Variants in VWF observed in about 807,000 individuals in gnomAD.
VWF encodes the protein Factor VIII related antigen.
VWF carries 176 observed loss-of-function variants against 308.6 expected under a neutral mutation model. That is an observed-to-expected ratio of 0.57 (90% CI 0.50 to 0.65). The LOEUF (loss-of-function observed/expected upper bound fraction) is 0.65. Among genes scored for constraint, VWF ranks in the 30% least tolerant of loss-of-function variants. The pLI is 0.00. For missense variants in VWF, 3,146 were observed against 3,648.2 expected (o/e 0.86, Z 3.55); for synonymous variants, 1,385 against 1,443.4 (o/e 0.96, Z 0.92).
chr12:6,074,957 G>A (rs578067042), intron 7 of VWF, among the ~76,000 whole-genome samples: 7 of 152,224 alleles, frequency 4.6e-5, no homozygotes, highest in East Asian at 3.9e-4. Context: ...CCAGGTCAGC[G>A]TCCTGCTCCT....
Position 5,969,395 on chromosome 12 carries a change from C to G in VWF, c.7549-4G>C. 1 of 1,614,174 alleles carries G rather than the reference C, an allele frequency of 6.2e-7. No individual in the cohort carries two copies. The highest frequency in any genetic ancestry group is 8.5e-7 in the Non-Finnish European group (1 of 1,180,018). ...GGGAGGCCCACTGGGAGCCGACCTGCAGGGCACCAGAGTTAGTCCAACAAG... is the reference window on the plus strand; with the variant it reads ...GGGAGGCCCACTGGGAGCCGACCTGGAGGGCACCAGAGTTAGTCCAACAAG... On this transcript the variant is annotated splice_region_variant and splice_polypyrimidine_tract_variant and intron_variant, in intron 44 of 51. Coordinates refer to ENST00000261405, the MANE Select transcript of VWF (RefSeq NM_000552.5).
At chr12:5,990,369 C>T (rs1386160270) in intron 38 of VWF, among the ~76,000 whole-genome samples, 3 of 152,180 alleles carry the variant, frequency 2.0e-5, no homozygotes, top group Non-Finnish European at 4.4e-5. Context: ...GATTATGACC[C>T]TATAGAGCTT....
intron 6 of VWF, among the ~76,000 whole-genome samples, chr12:6,081,884 A>C (rs1944914867): frequency 6.6e-6 from 1 of 152,172 alleles, no homozygotes; most frequent in Admixed American, 6.5e-5. Context: ...GACAGCAAGG[A>C]GATTTGCAAA....
chr12:5,962,747 C>T (rs2136348282), intron 47 of VWF, among the ~76,000 whole-genome samples: 1 of 152,186 alleles, frequency 6.6e-6, no homozygotes, highest in East Asian at 1.9e-4. Flanking sequence ...GAAGGGGTTT[C>T]ACCATGTTAG....
At chr12:6,004,470 C>CGT (rs921738216) in intron 34 of VWF, among the ~76,000 whole-genome samples, 16 of 151,308 alleles carry the variant, frequency 1.1e-4, no homozygotes, top group African/African-American at 3.6e-4. Flanking sequence ...TGTGTGTGTG[C>CGT]GTGTGTGTGT....
intron 6 of VWF, among the ~76,000 whole-genome samples, chr12:6,076,895 G>A (rs917450300): frequency 2.6e-5 from 4 of 152,186 alleles, no homozygotes; most frequent in Admixed American, 6.5e-5. Flanking sequence ...TCTGCTCACC[G>A]TTCTCGAAAT....
At chr12:6,053,832 T>C (rs998522104) in intron 15 of VWF, among the ~76,000 whole-genome samples, 1 of 152,260 alleles carries the variant, frequency 6.6e-6, no homozygotes, top group Non-Finnish European at 1.5e-5. Context: ...ATTATTCTTA[T>C]TGCTAAGGAA....
chr12:5,981,927 G>A lies in VWF; in HGVS notation c.7146C>T (p.Thr2382=). The A allele has an allele frequency of 1.2e-6, 2 of 1,613,848 alleles. No homozygotes were observed. The highest frequency in any genetic ancestry group is 1.7e-5 in the Admixed American group (1 of 59,996). ...PPSCPPHRLP[T]LRKTQCCDEY... Reference sequence around the variant, plus strand: ...CATCACAGCACTGGGTCTTCCGAAGGGTGGGCAAACGGTGCGGGGGGCAGG... The same window carrying A: ...CATCACAGCACTGGGTCTTCCGAAGAGTGGGCAAACGGTGCGGGGGGCAGG... Residue 2382 remains threonine, a synonymous_variant, in exon 42 of 52, where the codon ACC becomes ACT. Coordinates refer to ENST00000261405, the MANE Select transcript of VWF (RefSeq NM_000552.5).
At chr12:6,031,671 T>G in intron 20 of VWF, 93 bp from the exon 21 acceptor site, 1 of 1,593,546 alleles carries the variant, frequency 6.3e-7, no homozygotes, top group South Asian at 1.1e-5. Context: ...GGCCTTTGAG[T>G]ACGTGTCACA....
intron 6 of VWF, among the ~76,000 whole-genome samples, chr12:6,094,373 A>G (rs1429955784): frequency 6.6e-6 from 1 of 152,220 alleles, no homozygotes; most frequent in Admixed American, 6.5e-5. Context: ...CTGAGCTGGT[A>G]TAAGAGGAGG....
intron 40 of VWF, among the ~76,000 whole-genome samples, chr12:5,983,814 T>TAGAC (rs1163923977): frequency 1.3e-5 from 2 of 151,674 alleles, no homozygotes; most frequent in Middle Eastern, 3.2e-3. Context: ...GATAGATAGA[T>TAGAC]AGATGATAGA....
chr12:6,015,690 A>G (rs779502704), intron 31 of VWF, among the ~76,000 whole-genome samples: 7 of 152,268 alleles, frequency 4.6e-5, no homozygotes, highest in Non-Finnish European at 8.8e-5. Flanking sequence ...GTACCAGGAA[A>G]GGACTCTAAA....
At chr12:6,118,953 A>G (rs1271708276) in intron 3 of VWF, among the ~76,000 whole-genome samples, 1 of 152,194 alleles carries the variant, frequency 6.6e-6, no homozygotes, top group Non-Finnish European at 1.5e-5. Flanking sequence ...AGTGTTGAGG[A>G]TGACTTTCTT....
intron 51 of VWF, 118 bp downstream of exon 51, chr12:5,949,668 A>C: frequency 9.1e-7 from 1 of 1,094,640 alleles, no homozygotes; most frequent in Non-Finnish European, 1.4e-6. Flanking sequence ...CTTCCAGTTT[A>C]TTTCCCTTCT....
At chr12:6,086,513 C>G (rs2136487282) in intron 6 of VWF, among the ~76,000 whole-genome samples, 1 of 152,288 alleles carries the variant, frequency 6.6e-6, no homozygotes, top group East Asian at 1.9e-4. Context: ...CAACTGTACT[C>G]TATGAATCAC....
intron 45 of VWF, among the ~76,000 whole-genome samples, chr12:5,968,994 C>T (rs1337174224): frequency 2.6e-5 from 4 of 152,108 alleles, no homozygotes; most frequent in African/African-American, 7.2e-5. Context: ...AGCCTAGGGC[C>T]GAATCCCAGT....
intron 47 of VWF, among the ~76,000 whole-genome samples, chr12:5,964,266 A>ACATACATACATACATACATG (rs1943368593): frequency 1.4e-5 from 2 of 142,724 alleles, no homozygotes; most frequent in East Asian, 3.9e-4. Flanking sequence ...ATACATACAT[A>ACATACATACATACATACATG]CATACATGCA....
rs202210763 is a variant in VWF, at chr12:5,964,250, GCATACATACATACATACATA to G, written c.7887+3216_7887+3235del. The stretch of plus-strand genomic sequence containing the variant: ...TACATACATACATACATACATACAT[GCATACATACATACATACATA>G]CATGCATACATACATGCATACATAC... On this transcript the variant is annotated intron_variant, in intron 47 of 51. Coordinates refer to ENST00000261405, the MANE Select transcript of VWF (RefSeq NM_000552.5). Among the ~76,000 whole-genome samples the G allele has an allele frequency of 2.2e-4, 27 of 122,410 alleles. No individual in the cohort carries two copies. The East Asian group carries it at 4.6e-3, about 21-fold the overall frequency. The allele number at this position is 122,410 out of a possible 152,430, so 80.3% of individuals were successfully genotyped here. A position where few individuals can be genotyped will look rare whatever the true frequency, so the allele number is the denominator to read the frequency against.
In VWF at chr12:6,116,715, G is replaced by A. The variant is rs116485885; in HGVS notation, c.220+4459C>T. 5.1e-3 allele frequency among the ~76,000 whole-genome samples: 781 copies of A among 152,262 alleles called. 6 individuals carry two copies. Among genetic ancestry groups the A allele is most frequent in the African/African-American group, 0.018 (749 of 41,542 alleles). On this transcript the variant is annotated intron_variant, in intron 3 of 51. Transcript: ENST00000261405. ...CAAACAGCCGTGTCGCCTTGGCCTC[G>A]AACCCTGGAGCCTGCCTCACCAGGA...
Sources: allele counts gnomAD v4.1 joint callset (sites outside exome capture counted in the v4.1 genomes callset), GRCh38; gene constraint gnomAD v4.1.1; transcripts MANE v1.5; gene names NCBI Gene and HGNC (gene_info 2026-07-23, HGNC 2026-07-21).